ANKDD1A: variants seen among roughly 807,000 people sequenced by gnomAD.
ANKDD1A encodes ankyrin repeat and death domain containing 1A.
Under a neutral mutation model 63.5 loss-of-function variants are expected in ANKDD1A, and 59 were observed. That is an observed-to-expected ratio of 0.93 (90% CI 0.75 to 1.15). The LOEUF is 1.15. Among genes scored for constraint, ANKDD1A ranks in the 50% most tolerant of loss-of-function variants. The pLI is 0.00. For missense variants in ANKDD1A, 632 were observed against 656.4 expected (o/e 0.96, Z 0.41); for synonymous variants, 266 against 263.9 (o/e 1.01, Z -0.08).
At chr15:64,954,810 T>A (rs1009637443) in intron 14 of ANKDD1A, among the ~76,000 whole-genome samples, 1 of 150,590 alleles carries the variant, frequency 6.6e-6, no homozygotes, top group Non-Finnish European at 1.5e-5. Context: ...TTCTTCTTCC[T>A]TGTTCTTCTC....
At chr15:64,947,295 C>T in intron 12 of ANKDD1A, 109 bp from the exon 13 acceptor site, 1 of 1,156,898 alleles carries the variant, frequency 8.6e-7, no homozygotes, top group Non-Finnish European at 1.2e-6. Context: ...CTCCAGCTCC[C>T]AGGCACCCCA....
At chr15:64,925,913 G>A (rs895470189) in intron 4 of ANKDD1A, among the ~76,000 whole-genome samples, 153 bp from the exon 5 acceptor site, 1 of 152,136 alleles carries the variant, frequency 6.6e-6, no homozygotes, top group Non-Finnish European at 1.5e-5. Context: ...GCAGCAGAGT[G>A]GGTTATCCCT....
intron 6 of ANKDD1A, among the ~76,000 whole-genome samples, chr15:64,930,156 C>T (rs990065353): frequency 5.3e-5 from 8 of 152,000 alleles, no homozygotes; most frequent in Non-Finnish European, 7.4e-5. Flanking sequence ...TGCTTAATAC[C>T]TAGGTGACGG....
chr15:64,954,207 CTT>C (rs2085377107), intron 14 of ANKDD1A, among the ~76,000 whole-genome samples: 1 of 18,928 alleles, frequency 5.3e-5, no homozygotes, highest in African/African-American at 6.6e-5. Context: ...GTTCCTTATT[CTT>C]TTCTTCTTCT....
At chr15:64,956,487 A>G (rs1399716364) in intron 14 of ANKDD1A, among the ~76,000 whole-genome samples, 1 of 152,010 alleles carries the variant, frequency 6.6e-6, no homozygotes, top group Non-Finnish European at 1.5e-5. Flanking sequence ...CGGGAGACAG[A>G]GCTTGCAGTG....
intron 8 of ANKDD1A, among the ~76,000 whole-genome samples, chr15:64,933,014 G>A (rs1483026214): frequency 1.3e-5 from 2 of 151,226 alleles, no homozygotes; most frequent in Admixed American, 1.3e-4. Flanking sequence ...GGGGGCTGGA[G>A]CTGCTCATCA....
intron 10 of ANKDD1A, 97 bp from the exon 11 acceptor site, chr15:64,943,386 TA>T (rs2085199373): frequency 1.0e-6 from 1 of 959,896 alleles, no homozygotes; most frequent in African/African-American, 1.6e-5. Context: ...AAGAAAAGAC[TA>T]GAAGAAATAT....
chr15:64,953,621 C>CTCCTTCTTCTTAGTTCTTCTTAG (rs2085350899), intron 14 of ANKDD1A, among the ~76,000 whole-genome samples: 5 of 27,886 alleles, frequency 1.8e-4, no homozygotes, highest in South Asian at 9.5e-4. Context: ...TCTCCTTCTT[C>CTCCTTCTTCTTAGTTCTTCTTAG]TTCTTCTTCC....
chr15:64,950,200 T>G, intron 14 of ANKDD1A: 1 of 985,382 alleles, frequency 1.0e-6, no homozygotes, highest in Non-Finnish European at 1.2e-6. Context: ...CTGAACCCTG[T>G]GACCTTCACA....
In ANKDD1A at chr15:64,954,400, CCT is replaced by C. The variant is rs2140393243; in HGVS notation, c.1484-2702_1484-2701del. 3.5e-5 allele frequency among the ~76,000 whole-genome samples: 5 copies of C among 144,802 alleles called. No individual in the cohort carries two copies. In the East Asian group the frequency reaches 8.4e-4, roughly 24 times the overall value. The allele number at this position is 144,802 out of a possible 152,430, so 95.0% of individuals were successfully genotyped here. A position where few individuals can be genotyped will look rare whatever the true frequency, so the allele number is the denominator to read the frequency against. ...TTTTCTTTTCTTCTTCTTTCTTCTT[CCT>C]TCCTCTTCTTCCTCCTCTCCTCCTT... On this transcript the variant is annotated intron_variant, in intron 14 of 14. Coordinates refer to ENST00000319580, the MANE Select transcript of ANKDD1A (RefSeq NM_182703.6).
At chr15:64,953,538 C>CCTTCTTCCTTCTCCTT (rs1292039788) in intron 14 of ANKDD1A, among the ~76,000 whole-genome samples, 1 of 124,590 alleles carries the variant, frequency 8.0e-6, no homozygotes, top group Non-Finnish European at 1.6e-5. Flanking sequence ...CTTCTCCTCT[C>CCTTCTTCCTTCTCCTT]CTTCTTCCTT....
intron 5 of ANKDD1A, 39 bp downstream of exon 5, chr15:64,926,209 CG>C: frequency 1.3e-6 from 2 of 1,591,326 alleles, no homozygotes; most frequent in Non-Finnish European, 1.7e-6. Context: ...TCCCATTGGG[CG>C]GGGGGCTCCT....
intron 6 of ANKDD1A, among the ~76,000 whole-genome samples, chr15:64,928,907 A>G (rs924717461): frequency 2.6e-5 from 4 of 152,234 alleles, no homozygotes; most frequent in Non-Finnish European, 4.4e-5. Flanking sequence ...CAGGACATGG[A>G]TATTTATAAC....
At chr15:64,952,094 C>T (rs1260584012) in intron 14 of ANKDD1A, among the ~76,000 whole-genome samples, 2 of 71,780 alleles carry the variant, frequency 2.8e-5, no homozygotes, top group Non-Finnish European at 6.1e-5. Context: ...TTTTCTTCCT[C>T]TTCTTCCTTC....
At chr15:64,952,406 CTTCTTCTCCTTCTTAGTT>C (rs1757490212) in intron 14 of ANKDD1A, among the ~76,000 whole-genome samples, 3 of 3,300 alleles carry the variant, frequency 9.1e-4, no homozygotes, top group Admixed American at 5.1e-3. Flanking sequence ...CCTCCTTCTT[CTTCTTCTCCTTCTTAGTT>C]TTCTTCTCCT....
chr15:64,927,771 AT>A (rs1356949005), intron 6 of ANKDD1A, among the ~76,000 whole-genome samples: 3 of 151,494 alleles, frequency 2.0e-5, no homozygotes, highest in South Asian at 2.1e-4. Flanking sequence ...CACCCAGCTA[AT>A]TTTTTTTGTA....
At chr15:64,932,039 G>A (rs572372951) in intron 8 of ANKDD1A, 14 of 181,610 alleles carry the variant, frequency 7.7e-5, no homozygotes, top group African/African-American at 3.3e-4. Flanking sequence ...GACTACAGGT[G>A]TGTGCCACTA....
chr15:64,931,732 C>A, intron 8 of ANKDD1A, 147 bp downstream of exon 8: 2 of 831,826 alleles, frequency 2.4e-6, no homozygotes, highest in Non-Finnish European at 3.8e-6. Flanking sequence ...TTCTCCACTG[C>A]TGAGCCCTGT....
chr15:64,945,609 T>TATATATATATATATTC (rs1369609471), intron 12 of ANKDD1A, among the ~76,000 whole-genome samples: 9 of 75,220 alleles, frequency 1.2e-4, no homozygotes, highest in Middle Eastern at 6.0e-3. Flanking sequence ...ATTTTCAACA[T>TATATATATATATATTC]ATATATATAT....
Sources: gnomAD v4.1 joint callset for allele counts (sites outside exome capture counted in the v4.1 genomes callset) on GRCh38, gnomAD v4.1.1 for gene constraint, MANE v1.5 for transcripts, NCBI Gene and HGNC (gene_info 2026-07-23, HGNC 2026-07-21) for gene names.